PSMA8: variants seen among roughly 807,000 people sequenced by gnomAD.
PSMA8 encodes the protein proteasome subunit alpha-type 8.
PSMA8 carries 18 observed loss-of-function variants against 32.4 expected under a neutral mutation model. The ratio of observed to expected loss-of-function variants is 0.56; its 90% CI spans 0.38 to 0.82. The LOEUF (loss-of-function observed/expected upper bound fraction) is 0.82, where lower values mean the gene tolerates loss of function less well. PSMA8 is among the 40% of genes least tolerant of loss of function. The probability of loss-of-function intolerance (pLI) is 0.00; values close to 1 mark genes in which losing one functional copy is unlikely to be tolerated. For missense variants in PSMA8, 298 were observed against 300.7 expected (o/e 0.99, Z 0.07); for synonymous variants, 104 against 98.1 (o/e 1.06, Z -0.36).
At chr18:26,140,687 A>G (rs535776846) in intron 1 of PSMA8, among the ~76,000 whole-genome samples, 1 of 152,340 alleles carries the variant, frequency 6.6e-6, no homozygotes, top group African/African-American at 2.4e-5. Flanking sequence ...AGAAAATGTT[A>G]TATTTGCCAG....
At chr18:26,180,803 C>G (rs1458344274) in intron 6 of PSMA8, among the ~76,000 whole-genome samples, 1 of 152,070 alleles carries the variant, frequency 6.6e-6, no homozygotes, top group Non-Finnish European at 1.5e-5. Flanking sequence ...TACTGTCTTC[C>G]ACATGATACT....
intron 2 of PSMA8, among the ~76,000 whole-genome samples, chr18:26,151,272 CA>C (rs2055043259): frequency 6.6e-6 from 1 of 152,130 alleles, no homozygotes; most frequent in African/African-American, 2.4e-5. Flanking sequence ...GGGAAAGAAA[CA>C]AAGTGGACAT....
At chr18:26,171,836 A>T (rs1358570082) in intron 4 of PSMA8, among the ~76,000 whole-genome samples, 4 of 152,212 alleles carry the variant, frequency 2.6e-5, no homozygotes, top group Admixed American at 2.6e-4. Context: ...TGTTTCATGG[A>T]TACTGGCAGA....
chr18:26,151,643 TA>T (rs1367439533), intron 2 of PSMA8, among the ~76,000 whole-genome samples: 1 of 152,142 alleles, frequency 6.6e-6, no homozygotes, highest in Non-Finnish European at 1.5e-5. Context: ...AAAACATCTA[TA>T]AAAAACAAAT....
intron 4 of PSMA8, among the ~76,000 whole-genome samples, chr18:26,175,014 T>C (rs1203351400): frequency 2.6e-5 from 4 of 152,236 alleles, no homozygotes; most frequent in African/African-American, 9.6e-5. Context: ...GAAAAGACTT[T>C]AAAAGCTGTT....
chr18:26,190,883 T>C (rs1646740566), intron 6 of PSMA8, among the ~76,000 whole-genome samples: 1 of 152,254 alleles, frequency 6.6e-6, no homozygotes, highest in Non-Finnish European at 1.5e-5. Flanking sequence ...CACTAAACTG[T>C]GGACTCCTTA....
In PSMA8 at chr18:26,170,711, A is replaced by G; in HGVS notation, c.478-8119A>G. The stretch of plus-strand genomic sequence containing the variant: ...GGAGGGGGAACAACTTAAACTAGAA[A>G]ACACCTTCATATTAATCATTCTTCT... On this transcript the variant is annotated intron_variant, in intron 4 of 6. Coordinates refer to ENST00000415576, the MANE Select transcript of PSMA8 (RefSeq NM_001025096.2). The G allele has an allele frequency of 9.5e-6, 14 of 1,475,596 alleles. 2 individuals are homozygous for G. In the South Asian group the frequency reaches 1.3e-4, roughly 13 times the overall value. 91.4% of individuals were successfully genotyped at this position (1,475,596 alleles called of 1,614,324 possible).
chr18:26,178,987 A>T (rs2055286726), intron 5 of PSMA8, 38 bp downstream of exon 5: 1 of 1,604,898 alleles, frequency 6.2e-7, no homozygotes, highest in Non-Finnish European at 8.5e-7. Flanking sequence ...GAAATCATGA[A>T]TTTTTTTTCC....
intron 1 of PSMA8, among the ~76,000 whole-genome samples, chr18:26,138,069 TGG>T (rs2054926827): frequency 2.6e-5 from 4 of 152,334 alleles, no homozygotes; most frequent in Admixed American, 2.6e-4. Flanking sequence ...AGCTAGAAAC[TGG>T]TGCCAGATCA....
At chr18:26,177,747 A>G (rs1010480899) in intron 4 of PSMA8, among the ~76,000 whole-genome samples, 1 of 152,204 alleles carries the variant, frequency 6.6e-6, no homozygotes, top group Non-Finnish European at 1.5e-5. Flanking sequence ...CAATTAGGTT[A>G]CCACTATACT....
In PSMA8 at chr18:26,144,686, G is replaced by A; in HGVS notation, c.229+1G>A. ...GACCATGTCTGCATGGCTTTTGCAG[G>A]TACTTAAGGTCCTACAATAATGATG... On this transcript the variant is annotated splice_donor_variant, in intron 2 of 6. Transcript: ENST00000415576. LOFTEE classifies it high-confidence loss of function. 6.2e-7 allele frequency: 1 copy of A among 1,613,606 alleles called. No individual in the cohort carries two copies. Among genetic ancestry groups the A allele is most frequent in the Non-Finnish European group, 8.5e-7 (1 of 1,179,756 alleles).
intron 2 of PSMA8, among the ~76,000 whole-genome samples, chr18:26,148,058 A>G (rs1225017953): frequency 6.6e-6 from 1 of 152,206 alleles, no homozygotes; most frequent in East Asian, 1.9e-4. Flanking sequence ...AGGAAAGTCT[A>G]GGATCTAACG....
intron 4 of PSMA8, among the ~76,000 whole-genome samples, chr18:26,169,632 G>A (rs2055206093): frequency 3.9e-5 from 5 of 129,204 alleles, no homozygotes; most frequent in Admixed American, 3.7e-4. Flanking sequence ...TTGCGGTCAC[G>A]AGTTCGAGAC....
At chr18:26,188,596 T>C (rs906500894) in intron 6 of PSMA8, among the ~76,000 whole-genome samples, 10 of 152,174 alleles carry the variant, frequency 6.6e-5, no homozygotes, top group African/African-American at 2.4e-4. Flanking sequence ...CAAATTATGC[T>C]ACAGAGCTAT....
intron 2 of PSMA8, among the ~76,000 whole-genome samples, chr18:26,150,870 T>C (rs896084673): frequency 1.3e-5 from 2 of 152,208 alleles, no homozygotes; most frequent in African/African-American, 4.8e-5. Context: ...TTTTCATCCA[T>C]AGGAAAGACT....
At chr18:26,158,319 G>C in intron 4 of PSMA8, 75 bp downstream of exon 4, 1 of 1,214,542 alleles carries the variant, frequency 8.2e-7, no homozygotes, top group African/African-American at 1.6e-5. Context: ...TGCTTTGAGA[G>C]ACATGAAAAA....
At chr18:26,165,969 G>A (rs764858561) in intron 4 of PSMA8, among the ~76,000 whole-genome samples, 2 of 152,068 alleles carry the variant, frequency 1.3e-5, no homozygotes, top group Non-Finnish European at 2.9e-5. Flanking sequence ...GTTCCTGGTG[G>A]TGTATGCATG....
At chr18:26,157,351 G>A (rs899293506) in intron 3 of PSMA8, among the ~76,000 whole-genome samples, 8 of 150,896 alleles carry the variant, frequency 5.3e-5, no homozygotes, top group South Asian at 2.1e-4. Context: ...TCAGGAGTTC[G>A]AGACCAGCCT....
chr18:26,147,186 G>A (rs1193930256), intron 2 of PSMA8, among the ~76,000 whole-genome samples: 3 of 112,256 alleles, frequency 2.7e-5, no homozygotes, highest in Admixed American at 1.2e-4. Context: ...TGGGTACAGA[G>A]ATCCAAACCA....
Sources: gnomAD v4.1 joint callset for allele counts (sites outside exome capture counted in the v4.1 genomes callset) on GRCh38, gnomAD v4.1.1 for gene constraint, MANE v1.5 for transcripts, NCBI Gene and HGNC (gene_info 2026-07-23, HGNC 2026-07-21) for gene names.